The following SEPSECS variants were observed in gnomAD, a reference collection of about 807,000 sequenced individuals.
The protein encoded by SEPSECS is Sep (O-phosphoserine) tRNA:Sec (selenocysteine) tRNA synthase, also known as O-phosphoseryl-tRNA(Sec) selenium transferase.
In SEPSECS, 42 loss-of-function variants were observed where a neutral mutation model predicts 52.1. The observed-to-expected ratio is 0.81, with a 90% CI of 0.63 to 1.04. The LOEUF (loss-of-function observed/expected upper bound fraction) is 1.04. Ranked by LOEUF, SEPSECS falls within the 50% of genes least tolerant of loss-of-function variation. The pLI, the probability that SEPSECS is intolerant of heterozygous loss-of-function variation, is 0.00. For missense variants in SEPSECS, 590 were observed against 610.6 expected (o/e 0.97, Z 0.36); for synonymous variants, 216 against 211.4 (o/e 1.02, Z -0.19).
intron 8 of SEPSECS, among the ~76,000 whole-genome samples, chr4:25,143,443 G>A (rs1267868577): frequency 6.6e-6 from 1 of 152,106 alleles, no homozygotes; most frequent in Non-Finnish European, 1.5e-5. Flanking sequence ...ACAATATGTA[G>A]CCTTTTGAGT....
chr4:25,145,727 A>C lies in SEPSECS; in HGVS notation c.805-594T>G, dbSNP rs149018956. On this transcript the variant is annotated intron_variant, in intron 6 of 10. Transcript: ENST00000382103. ...ATCCTCTGTGAGTTCGAGGGTGGCC[A>C]CCATAACCTAATGGACTATAGCCAT... Among the ~76,000 whole-genome samples, 868 of 152,338 alleles carry C rather than the reference A, an allele frequency of 5.7e-3. 9 individuals carry two copies. Among genetic ancestry groups the C allele is most frequent in the African/African-American group, 0.02 (818 of 41,576 alleles).
At chr4:25,139,384 CTTTTTTTTTTT>C (rs5856888) in intron 8 of SEPSECS, among the ~76,000 whole-genome samples, 1 of 108,848 alleles carries the variant, frequency 9.2e-6, no homozygotes, top group Non-Finnish European at 1.7e-5. Flanking sequence ...AAAGTTGTGT[CTTTTTTTTTTT>C]TTTTTTTTTT....
Position 25,145,001 on chromosome 4 carries a change from T to C in SEPSECS, c.934+3A>G, listed in dbSNP as rs769423704. The stretch of plus-strand genomic sequence containing the variant: ...TTTTCTGAAAAGCAACTTATTTATT[T>C]ACCTGGATACATCTTGCTGATTTCC... On this transcript the variant is annotated splice_donor_region_variant and intron_variant, in intron 7 of 10. Transcript: ENST00000382103. The C allele has an allele frequency of 2.5e-6, 4 of 1,613,976 alleles. No individual in the cohort carries two copies. Among genetic ancestry groups the C allele is most frequent in the Non-Finnish European group, 3.4e-6 (4 of 1,179,936 alleles).
In SEPSECS at chr4:25,156,974, C is replaced by A. The variant is rs754720295; in HGVS notation, c.270G>T (p.Arg90Ser). 90 of 1,581,266 alleles carry A rather than the reference C, an allele frequency of 5.7e-5. No homozygotes were observed. The highest frequency in any genetic ancestry group is 7.6e-5 in the Non-Finnish European group (88 of 1,150,344). ...ASALVARRHY[R>S]FIHGIGRSGD... ...CGGATCGTCCAATGCCATGAATGAACCTAAGCAAAAAATGGGCCAAAAACT... is the reference window on the plus strand; with the variant it reads ...CGGATCGTCCAATGCCATGAATGAAACTAAGCAAAAAATGGGCCAAAAACT... The change falls in exon 3 of 11, where the codon AGG (arginine) becomes AGT (serine). Residue 90 changes from arginine to serine, a missense_variant and splice_region_variant. Transcript: ENST00000382103.
At chr4:25,148,470 T>C (rs1238415766) in intron 6 of SEPSECS, among the ~76,000 whole-genome samples, 3 of 152,162 alleles carry the variant, frequency 2.0e-5, no homozygotes. Context: ...AACTTTAATT[T>C]TTTAGAATGT....
rs183189962 is a variant in SEPSECS at position 25,136,751 on chromosome 4, A to G, written c.1026+8023T>C. 2.5e-3 allele frequency among the ~76,000 whole-genome samples: 378 copies of G among 152,276 alleles called. 5 individuals are homozygous for G. The highest frequency in any genetic ancestry group is 6.3e-4 in the Non-Finnish European group (43 of 68,026). ...CATGGAACCAAAAAAGAGTCTGTAT[A>G]GCCAAGACAATCCTAAGCAAAAAGA... On this transcript the variant is annotated intron_variant, in intron 8 of 10. Coordinates refer to ENST00000382103, the MANE Select transcript of SEPSECS (RefSeq NM_016955.4).
rs1392134300 is a variant in SEPSECS at position 25,123,271 on chromosome 4, A to G, written c.*660T>C. The G allele has an allele frequency of 2.0e-5, 3 of 152,708 alleles. No individual in the cohort carries two copies. Among genetic ancestry groups the G allele is most frequent in the African/African-American group, 7.2e-5 (3 of 41,428 alleles). The allele number at this position is 152,708 out of a possible 1,614,324, so 9.5% of individuals were successfully genotyped here. A position where few individuals can be genotyped will look rare whatever the true frequency, so the allele number is the denominator to read the frequency against. ...GCACTAATGACATTTTGGGCTGGAT[A>G]ATTCTTTGTTGTGGGAGTTGTCCCA... On this transcript the variant is annotated 3_prime_UTR_variant, in exon 11 of 11. Transcript: ENST00000382103.
At chr4:25,152,089 G>T in intron 5 of SEPSECS, 27 bp from the exon 6 acceptor site, 2 of 1,254,456 alleles carry the variant, frequency 1.6e-6, no homozygotes, top group Middle Eastern at 1.9e-4. Flanking sequence ...TCAATAGAAA[G>T]ACATACTCAC....
At chr4:25,133,754 T>G (rs796139957) in intron 8 of SEPSECS, among the ~76,000 whole-genome samples, 15 of 152,102 alleles carry the variant, frequency 9.9e-5, no homozygotes, top group African/African-American at 3.4e-4. Context: ...TTTGACTATA[T>G]CCATATAGTT....
chr4:25,134,750 G>T (rs1437469910), intron 8 of SEPSECS, among the ~76,000 whole-genome samples: 1 of 152,082 alleles, frequency 6.6e-6, no homozygotes, highest in African/African-American at 2.4e-5. Context: ...TCGAAGTCAA[G>T]AACAAAAGCA....
chr4:25,129,565 T>G (rs1035364254), intron 8 of SEPSECS, among the ~76,000 whole-genome samples: 1 of 151,756 alleles, frequency 6.6e-6, no homozygotes, highest in African/African-American at 2.4e-5. Flanking sequence ...GAGGTTGCAG[T>G]GAGCCAAGAT....
chr4:25,144,611 G>A (rs1711839878), intron 8 of SEPSECS, among the ~76,000 whole-genome samples, 163 bp downstream of exon 8: 1 of 150,402 alleles, frequency 6.6e-6, no homozygotes, highest in South Asian at 2.1e-4. Flanking sequence ...CTGACAAAAA[G>A]TAATAGGAAA....
intron 6 of SEPSECS, among the ~76,000 whole-genome samples, chr4:25,146,474 T>A (rs1294506241): frequency 6.6e-6 from 1 of 151,834 alleles, no homozygotes. Flanking sequence ...ACTAACAGAA[T>A]AAAAAAAACT....
In SEPSECS at chr4:25,159,064, A is replaced by AGTTC; in HGVS notation, c.154_157dup (p.Leu53ArgfsTer6). The AGTTC allele has an allele frequency of 6.2e-7, 1 of 1,613,330 alleles. No homozygotes were observed. The highest frequency in any genetic ancestry group is 1.1e-5 in the South Asian group (1 of 91,070). On this transcript the variant is annotated frameshift_variant, in exon 2 of 11. Transcript: ENST00000382103. LOFTEE classifies it high-confidence loss of function. ...CATGATTGCAAGTTCATGTAAAAAG[A>AGTTC]GTTCAAGTGTACTTTCATCCCAGCC...
intron 1 of SEPSECS, chr4:25,159,797 T>A: frequency 9.1e-7 from 1 of 1,094,632 alleles, no homozygotes; most frequent in Non-Finnish European, 1.1e-6. Flanking sequence ...AACAAAACTT[T>A]TAATGAAATT....
chr4:25,143,173 T>C (rs1443540288), intron 8 of SEPSECS, among the ~76,000 whole-genome samples: 1 of 152,254 alleles, frequency 6.6e-6, no homozygotes, highest in Non-Finnish European at 1.5e-5. Flanking sequence ...TTTATTCTTA[T>C]TGTATAAAAA....
intron 8 of SEPSECS, among the ~76,000 whole-genome samples, chr4:25,134,231 C>T (rs1330087682): frequency 6.8e-6 from 1 of 147,732 alleles, no homozygotes; most frequent in African/African-American, 2.5e-5. Flanking sequence ...ATAGTCTTAG[C>T]TACTTGGGAG....
intron 9 of SEPSECS, among the ~76,000 whole-genome samples, 200 bp downstream of exon 9, chr4:25,127,064 A>G (rs1728403577): frequency 6.6e-6 from 1 of 152,226 alleles, no homozygotes. Flanking sequence ...TTATTCTCTC[A>G]GTGTATAGGC....
chr4:25,125,368 C>T, intron 10 of SEPSECS: 1 of 249,146 alleles, frequency 4.0e-6, no homozygotes, highest in Non-Finnish European at 7.8e-6. Flanking sequence ...TGGCTTATCT[C>T]TAATACCATA....
Sources: gnomAD v4.1 joint callset for allele counts (sites outside exome capture counted in the v4.1 genomes callset) on GRCh38, gnomAD v4.1.1 for gene constraint, MANE v1.5 for transcripts, NCBI Gene and HGNC (gene_info 2026-07-23, HGNC 2026-07-21) for gene names.